Variants in BAIAP2L1 observed in about 807,000 individuals in gnomAD.
The protein encoded by BAIAP2L1 is BAR/IMD domain containing adaptor protein 2 like 1.
BAIAP2L1 carries 35 observed loss-of-function variants against 66.3 expected under a neutral mutation model. That is an observed-to-expected ratio of 0.53 (90% confidence interval 0.40 to 0.70). BAIAP2L1 has a LOEUF of 0.70. Among genes scored for constraint, BAIAP2L1 ranks in the 30% least tolerant of loss-of-function variants. The probability of loss-of-function intolerance (pLI) is 0.00; values close to 1 mark genes in which losing one functional copy is unlikely to be tolerated. For synonymous variants in BAIAP2L1, 269 were observed against 248.7 expected (o/e 1.08, Z -0.77); for missense variants, 622 against 656.9 (o/e 0.95, Z 0.58).
intron 1 of BAIAP2L1, among the ~76,000 whole-genome samples, chr7:98,367,605 G>C (rs1273547355): frequency 7.1e-6 from 1 of 141,036 alleles, no homozygotes; most frequent in African/African-American, 2.6e-5. Context: ...ACGCAATCTC[G>C]GCTCACTGCA....
intron 2 of BAIAP2L1, among the ~76,000 whole-genome samples, chr7:98,361,512 G>GTTTTGGGGTGATACTTGCTACA (rs1802271167): frequency 1.3e-5 from 2 of 152,088 alleles, no homozygotes; most frequent in Non-Finnish European, 2.9e-5. Context: ...GGGTCTGAGT[G>GTTTTGGGGTGATACTTGCTACA]TTTTGGGGTG....
Position 98,291,676 on chromosome 7 carries a change from A to C in BAIAP2L1, c.*1845T>G, listed in dbSNP as rs1488109814. 3.4e-6 allele frequency: 1 copy of C among 293,340 alleles called. No homozygotes were observed. Among genetic ancestry groups the C allele is most frequent in the East Asian group, 1.6e-4 (1 of 6,288 alleles). 18.2% of individuals were successfully genotyped at this position (293,340 alleles called of 1,614,324 possible). A position where few individuals can be genotyped will look rare whatever the true frequency, so the allele number is the denominator to read the frequency against. On this transcript the variant is annotated 3_prime_UTR_variant, in exon 14 of 14. Coordinates refer to ENST00000005260, the MANE Select transcript of BAIAP2L1 (RefSeq NM_018842.5). ...GTTTTCAAGTTCTGCTTTATTATTAAAGTTGTAATCCCTTGATATTTACAG... is the reference window on the plus strand; with the variant it reads ...GTTTTCAAGTTCTGCTTTATTATTACAGTTGTAATCCCTTGATATTTACAG...
intron 6 of BAIAP2L1, 50 bp from the exon 7 acceptor site, chr7:98,315,662 G>A: frequency 4.2e-6 from 4 of 948,084 alleles, no homozygotes; most frequent in Non-Finnish European, 5.5e-6. Context: ...CATGACATGA[G>A]CATCAGATAG....
At chr7:98,355,917 C>T (rs1288323979) in intron 2 of BAIAP2L1, among the ~76,000 whole-genome samples, 1 of 152,086 alleles carries the variant, frequency 6.6e-6, no homozygotes, top group Non-Finnish European at 1.5e-5. Flanking sequence ...CCACAACCAA[C>T]CAACCTATTT....
chr7:98,329,580 G>A (rs1274419994), intron 3 of BAIAP2L1, among the ~76,000 whole-genome samples: 2 of 152,090 alleles, frequency 1.3e-5, no homozygotes, highest in Non-Finnish European at 2.9e-5. Flanking sequence ...GCTTTGTTCT[G>A]TTCCAGTTAT....
intron 3 of BAIAP2L1, among the ~76,000 whole-genome samples, chr7:98,329,235 G>A (rs1360245987): frequency 6.6e-6 from 1 of 152,180 alleles, no homozygotes; most frequent in Admixed American, 6.5e-5. Flanking sequence ...ATTCTGAGAC[G>A]CATGACAGGA....
Position 98,339,343 on chromosome 7 carries a change from AT to A in BAIAP2L1, c.214+15698del, listed in dbSNP as rs151042765. ...GTGCTGTAGCTATCTTGTGGTTTGG[AT>A]TTGTGTTTCCCTAATGGCTAATGAT... On this transcript the variant is annotated intron_variant, in intron 3 of 13. Coordinates refer to ENST00000005260, the MANE Select transcript of BAIAP2L1 (RefSeq NM_018842.5). Among the ~76,000 whole-genome samples the A allele has an allele frequency of 4.6e-3, 705 of 152,030 alleles. 11 individuals are homozygous for A. The highest frequency in any genetic ancestry group is 0.016 in the African/African-American group (664 of 41,444).
Position 98,307,719 on chromosome 7 carries a change from C to A in BAIAP2L1, c.1133G>T (p.Trp378Leu). 2 of 1,614,246 alleles carry A rather than the reference C, an allele frequency of 1.2e-6. No homozygotes were observed. The highest frequency in any genetic ancestry group is 1.7e-6 in the Non-Finnish European group (2 of 1,180,046). The change falls in exon 10 of 14, where the codon TGG becomes TTG. Residue 378 changes from tryptophan (W) to leucine (L), a missense_variant. By Grantham distance (61) the Trp-to-Leu change is moderately conservative. Coordinates refer to ENST00000005260, the MANE Select transcript of BAIAP2L1 (RefSeq NM_018842.5). Reference protein sequence around the residue: ...TLLIPEEKDGWLYGEHDVSKA... With the variant: ...TLLIPEEKDGLLYGEHDVSKA... ...GGACACGTCGTGTTCTCCATAGAGC[C>A]AGCCATCCTTCTCCTCGGGGATGAG...
intron 3 of BAIAP2L1, among the ~76,000 whole-genome samples, chr7:98,353,347 T>TTA (rs1802041234): frequency 7.2e-6 from 1 of 138,632 alleles, no homozygotes; most frequent in African/African-American, 2.7e-5. Flanking sequence ...ATAAATATAT[T>TTA]TATATATTTA....
chr7:98,330,624 T>C (rs1181226824), intron 3 of BAIAP2L1, among the ~76,000 whole-genome samples: 1 of 152,176 alleles, frequency 6.6e-6, no homozygotes, highest in Non-Finnish European at 1.5e-5. Context: ...ACCATTGCAT[T>C]CCAGCCTGGG....
At chr7:98,390,971 C>G (rs920359635) in intron 1 of BAIAP2L1, among the ~76,000 whole-genome samples, 9 of 150,610 alleles carry the variant, frequency 6.0e-5, no homozygotes, top group African/African-American at 2.2e-4. Context: ...GTAGCTGGGA[C>G]TACAGGCGCA....
chr7:98,400,467 G>A lies in BAIAP2L1; in HGVS notation c.51+335C>T, dbSNP rs1258720873. 2.2e-4 allele frequency: 78 copies of A among 359,796 alleles called. 1 individual carries two copies. Among genetic ancestry groups the A allele is most frequent in the Non-Finnish European group, 3.5e-4 (70 of 200,240 alleles). 22.3% of individuals were successfully genotyped at this position (359,796 alleles called of 1,614,324 possible). The stretch of plus-strand genomic sequence containing the variant: ...GGGGAGGGACAGTGTCGAGGGGCAG[G>A]GGAGGAGGGAGAGTGAACGGGGAGC... On this transcript the variant is annotated intron_variant, in intron 1 of 13. Transcript: ENST00000005260.
intron 1 of BAIAP2L1, among the ~76,000 whole-genome samples, chr7:98,390,064 C>T (rs1042896051): frequency 3.3e-5 from 5 of 151,714 alleles, no homozygotes; most frequent in African/African-American, 7.3e-5. Context: ...TACAGGCACC[C>T]GCCACCGCAC....
intron 3 of BAIAP2L1, among the ~76,000 whole-genome samples, chr7:98,328,528 T>G (rs935032773): frequency 6.6e-6 from 1 of 152,000 alleles, no homozygotes; most frequent in Non-Finnish European, 1.5e-5. Flanking sequence ...CACTGGCTGC[T>G]GAGGTGCCCC....
At chr7:98,390,313 A>T (rs1219902057) in intron 1 of BAIAP2L1, among the ~76,000 whole-genome samples, 1 of 152,216 alleles carries the variant, frequency 6.6e-6, no homozygotes, top group Non-Finnish European at 1.5e-5. Context: ...GGTAATTTGC[A>T]AACAGAGGTA....
intron 1 of BAIAP2L1, among the ~76,000 whole-genome samples, chr7:98,373,948 A>C (rs1248019230): frequency 6.6e-6 from 1 of 152,106 alleles, no homozygotes; most frequent in Non-Finnish European, 1.5e-5. Context: ...TGCTTTATTC[A>C]GTTGAGAACA....
At chr7:98,370,435 T>C (rs987676174) in intron 1 of BAIAP2L1, among the ~76,000 whole-genome samples, 7 of 151,948 alleles carry the variant, frequency 4.6e-5, no homozygotes, top group Admixed American at 1.3e-4. Flanking sequence ...TTTTTAAGCT[T>C]GAAAAGTTCA....
intron 1 of BAIAP2L1, among the ~76,000 whole-genome samples, chr7:98,392,407 G>C (rs1428795583): frequency 6.6e-6 from 1 of 152,148 alleles, no homozygotes; most frequent in Non-Finnish European, 1.5e-5. Flanking sequence ...ACACCATGCA[G>C]ACAACAGCAT....
At chr7:98,347,418 A>G (rs551768162) in intron 3 of BAIAP2L1, among the ~76,000 whole-genome samples, 2 of 152,290 alleles carry the variant, frequency 1.3e-5, no homozygotes, top group East Asian at 3.9e-4. Flanking sequence ...CATTTTTATG[A>G]TGCCATTACC....
Sources: gnomAD v4.1 joint callset for allele counts (sites outside exome capture counted in the v4.1 genomes callset) on GRCh38, gnomAD v4.1.1 for gene constraint, MANE v1.5 for transcripts, NCBI Gene and HGNC (gene_info 2026-07-23, HGNC 2026-07-21) for gene names.